The following NAALADL2 variants were observed in gnomAD, a reference collection of about 807,000 sequenced individuals.
NAALADL2 encodes the protein N-acetylated alpha-linked acidic dipeptidase like 2.
A neutral mutation model predicts 87.2 loss-of-function variants in NAALADL2; 76 were observed. The ratio of observed to expected loss-of-function variants is 0.87; its 90% CI spans 0.72 to 1.05. The LOEUF (loss-of-function observed/expected upper bound fraction) is 1.05, where lower values mean the gene tolerates loss of function less well. NAALADL2 is among the 50% of genes least tolerant of loss of function. NAALADL2 has a pLI of 0.00. For missense variants in NAALADL2, 1,089 were observed against 945.8 expected, an observed-to-expected ratio of 1.15 and a Z score of -1.99; for synonymous variants, 354 against 331.0, an observed-to-expected ratio of 1.07 and a Z score of -0.75.
chr3:174,948,026 C>T (rs1240454204), intron 1 of NAALADL2, among the ~76,000 whole-genome samples: 2 of 151,966 alleles, frequency 1.3e-5, no homozygotes, highest in Non-Finnish European at 2.9e-5. Flanking sequence ...ACACCTTTGA[C>T]ACGAAACTTG....
chr3:175,561,964 G>A (rs917110316), intron 9 of NAALADL2, among the ~76,000 whole-genome samples: 1 of 152,200 alleles, frequency 6.6e-6, no homozygotes, highest in Non-Finnish European at 1.5e-5. Flanking sequence ...GGTGGCAGTG[G>A]TGGGAGGACA....
chr3:175,534,879 T>C (rs1582291297), intron 9 of NAALADL2, among the ~76,000 whole-genome samples: 2 of 152,012 alleles, frequency 1.3e-5, no homozygotes, highest in African/African-American at 4.8e-5. Context: ...AGTTCTTGCC[T>C]TTCTTTCTTT....
At chr3:175,776,827 CTTTATT>C (rs962683696) in intron 13 of NAALADL2, among the ~76,000 whole-genome samples, 15 of 152,070 alleles carry the variant, frequency 9.9e-5, no homozygotes, top group Admixed American at 8.5e-4. Flanking sequence ...AGGTTATATT[CTTTATT>C]TTTATATTTT....
chr3:175,379,531 T>G (rs976744491), intron 5 of NAALADL2, among the ~76,000 whole-genome samples: 8 of 143,674 alleles, frequency 5.6e-5, no homozygotes, highest in Admixed American at 2.1e-4. Context: ...CATCTTTTTG[T>G]TTTTTTTTTT....
intron 11 of NAALADL2, among the ~76,000 whole-genome samples, chr3:175,719,378 A>G (rs954447728): frequency 6.8e-6 from 1 of 146,226 alleles, no homozygotes; most frequent in Non-Finnish European, 1.5e-5. Context: ...AACTTAAAGT[A>G]TAATAAAAAA....
rs545592397 is a variant in NAALADL2 at position 174,884,013 on chromosome 3, G to A, written c.43+24563G>A. Among the ~76,000 whole-genome samples, 10 of 152,206 alleles carry A rather than the reference G, an allele frequency of 6.6e-5. No individual in the cohort carries two copies. In the East Asian group the frequency reaches 1.9e-3, roughly 29 times the overall value. On this transcript the variant is annotated intron_variant, in intron 1 of 13. Transcript: ENST00000454872. ...AGCCAATACTGTAACTCCCTTCTTAGCCTGTTGACTTAAGGGTAGGAGGAG... is the reference window on the plus strand; with the variant it reads ...AGCCAATACTGTAACTCCCTTCTTAACCTGTTGACTTAAGGGTAGGAGGAG...
At chr3:174,621,741 A>C (rs1018463401) in intron 2 of NAALADL2, among the ~76,000 whole-genome samples, 3 of 152,320 alleles carry the variant, frequency 2.0e-5, no homozygotes, top group South Asian at 2.1e-4. Context: ...TAAATGAGAC[A>C]ATCCAGGCAA....
At chr3:175,622,181 C>T (rs572407115) in intron 10 of NAALADL2, among the ~76,000 whole-genome samples, 2 of 152,024 alleles carry the variant, frequency 1.3e-5, no homozygotes, top group Non-Finnish European at 2.9e-5. Context: ...ATATCCTTTG[C>T]CTTCCTTTTC....
intron 1 of NAALADL2, among the ~76,000 whole-genome samples, chr3:174,535,717 A>G (rs988667297): frequency 1.3e-5 from 2 of 152,100 alleles, no homozygotes; most frequent in African/African-American, 4.8e-5. Context: ...ATATGCCCAT[A>G]ATGCTGTGGG....
At chr3:174,855,452 T>C (rs564566693), upstream of NAALADL2, among the ~76,000 whole-genome samples, 3 of 152,254 alleles carry the variant, frequency 2.0e-5, no homozygotes, top group East Asian at 5.8e-4. Flanking sequence ...GAAATTCTCA[T>C]AATTACCATC....
intron 3 of NAALADL2, among the ~76,000 whole-genome samples, chr3:174,834,315 A>G (rs1723079866): frequency 6.8e-6 from 1 of 147,958 alleles, no homozygotes; most frequent in Admixed American, 6.7e-5. Flanking sequence ...CTCACTCTGA[A>G]TATGGGCACC....
Position 174,859,406 on chromosome 3 carries a change from A to T in NAALADL2, c.-2A>T, listed in dbSNP as rs1249225790. ...TGGCCCTCTTTAAAAAGAAATAATA[A>T]AATGGGAGAGAATGAAGCAAGTTTA... is the stretch of plus-strand genomic sequence containing the variant. On this transcript the variant is annotated 5_prime_UTR_variant, in exon 1 of 14. Transcript: ENST00000454872. 1.9e-6 allele frequency: 3 copies of T among 1,608,398 alleles called. No homozygotes were observed. The highest frequency in any genetic ancestry group is 2.5e-6 in the Non-Finnish European group (3 of 1,176,686).
At chr3:174,855,639 T>C (rs928611185), upstream of NAALADL2, among the ~76,000 whole-genome samples, 1 of 151,944 alleles carries the variant, frequency 6.6e-6, no homozygotes, top group Non-Finnish European at 1.5e-5. Flanking sequence ...TATTCACCCT[T>C]TCTGATGATG....
chr3:175,377,394 T>A (rs528384498), intron 5 of NAALADL2, among the ~76,000 whole-genome samples: 3 of 152,330 alleles, frequency 2.0e-5, no homozygotes, highest in South Asian at 2.1e-4. Context: ...CAGTTTTTTT[T>A]AATTGTTGTT....
chr3:175,258,788 A>G (rs1249719830), intron 4 of NAALADL2, among the ~76,000 whole-genome samples: 1 of 152,154 alleles, frequency 6.6e-6, no homozygotes, highest in East Asian at 1.9e-4. Flanking sequence ...GATTTATCTG[A>G]GAAGCCTAAA....
rs1024402257 is a variant in NAALADL2 at position 175,255,388 on chromosome 3, T to A, written c.820-1023T>A. Among the ~76,000 whole-genome samples the A allele has an allele frequency of 2.0e-5, 3 of 152,206 alleles. No individual in the cohort carries two copies. The East Asian group carries it at 5.8e-4, about 29-fold the overall frequency. On this transcript the variant is annotated intron_variant, in intron 3 of 13. Transcript: ENST00000454872. ...TGAAACTTGTTGAAGTGCATTAGTT[T>A]CAATCGAGAAGGATGGAAAGCTGGT...
At chr3:175,158,336 T>C (rs972693170) in intron 2 of NAALADL2, among the ~76,000 whole-genome samples, 7 of 152,052 alleles carry the variant, frequency 4.6e-5, no homozygotes. Flanking sequence ...GCAAGGACAC[T>C]GTGGTTTATA....
At chr3:175,122,952 A>C (rs1351231467) in intron 2 of NAALADL2, among the ~76,000 whole-genome samples, 2 of 152,024 alleles carry the variant, frequency 1.3e-5, no homozygotes, top group African/African-American at 2.4e-5. Flanking sequence ...TCAGCAAGAG[A>C]AAGGCAAAAA....
intron 3 of NAALADL2, among the ~76,000 whole-genome samples, chr3:174,811,234 A>G (rs550347854): frequency 9.2e-5 from 14 of 152,270 alleles, no homozygotes; most frequent in African/African-American, 3.1e-4. Flanking sequence ...AGCTGTAAGA[A>G]GAGGCACTCT....
Sources: allele counts gnomAD v4.1 joint callset (sites outside exome capture counted in the v4.1 genomes callset), GRCh38; gene constraint gnomAD v4.1.1; transcripts MANE v1.5; gene names NCBI Gene and HGNC (gene_info 2026-07-23, HGNC 2026-07-21).